The following SNX1 variants were observed in gnomAD, a reference collection of about 807,000 sequenced individuals.
The protein encoded by SNX1 is sorting nexin 1, also known as sorting nexin-1.
SNX1 carries 36 observed loss-of-function variants against 71.8 expected under a neutral mutation model. The ratio of observed to expected loss-of-function variants is 0.50; its 90% confidence interval spans 0.38 to 0.66. SNX1 has a LOEUF of 0.66. Among genes scored for constraint, SNX1 ranks in the 30% least tolerant of loss-of-function variants. The probability of loss-of-function intolerance (pLI) is 0.00; values close to 1 mark genes in which losing one functional copy is unlikely to be tolerated. For missense variants in SNX1, 612 were observed against 646.7 expected (o/e 0.95, Z 0.58); for synonymous variants, 254 against 240.7 (o/e 1.06, Z -0.51).
Position 64,112,579 on chromosome 15 carries a change from C to T in SNX1, c.166C>T (p.His56Tyr), listed in dbSNP as rs1320072430. 1 of 1,597,526 alleles carries T rather than the reference C, an allele frequency of 6.3e-7. No homozygotes were observed. The highest frequency in any genetic ancestry group is 8.6e-7 in the Non-Finnish European group (1 of 1,167,904). The change falls in exon 2 of 15, where the codon CAT becomes TAT. Residue 56 changes from histidine to tyrosine, a missense_variant. His to Tyr is a moderately conservative substitution (Grantham distance 83). This residue lies in a region of SNX1 where 316 missense variants were observed against 284.9 expected (regional missense o/e 1.11). Coordinates refer to ENST00000559844, the MANE Select transcript of SNX1 (RefSeq NM_003099.5). Reference protein sequence around the residue: ...IFTGAAVVSKHQSPKITTSLL... With the variant: ...IFTGAAVVSKYQSPKITTSLL... Reference sequence around the variant, plus strand: ...AGTATCTCTTTGTTTTCAGAGTAAACATCAGTCTCCAAAGATAACTACATC... The same window carrying T: ...AGTATCTCTTTGTTTTCAGAGTAAATATCAGTCTCCAAAGATAACTACATC...
intron 4 of SNX1, among the ~76,000 whole-genome samples, chr15:64,121,581 G>T (rs781079068): frequency 3.3e-5 from 5 of 152,154 alleles, no homozygotes; most frequent in Non-Finnish European, 5.9e-5. Flanking sequence ...AGTTACATCG[G>T]TAAAGACCCT....
At position 64,137,642 on chromosome 15, in the gene SNX1, C is replaced by T. The variant is rs2081372734; in HGVS notation, c.*24C>T. On this transcript the variant is annotated 3_prime_UTR_variant, in exon 15 of 15. Transcript: ENST00000559844. The stretch of plus-strand genomic sequence containing the variant: ...AATGGACCAAGGACCCCAGAGCCCA[C>T]CTGTGTGACGCTGCCTTTTTATACA... 1.2e-6 allele frequency: 2 copies of T among 1,614,042 alleles called. No homozygotes were observed. Among genetic ancestry groups the T allele is most frequent in the African/African-American group, 1.3e-5 (1 of 74,926 alleles).
intron 1 of SNX1, among the ~76,000 whole-genome samples, chr15:64,108,921 G>A (rs2140136878): frequency 6.6e-6 from 1 of 151,802 alleles, no homozygotes; most frequent in Admixed American, 6.5e-5. Context: ...CTCAGAGGTA[G>A]AGGTTGCAGT....
intron 12 of SNX1, chr15:64,135,027 T>G: frequency 1.8e-6 from 1 of 556,854 alleles, no homozygotes; most frequent in Non-Finnish European, 3.0e-6. Context: ...CAAATCAGAA[T>G]CTCTGGCCCG....
intron 1 of SNX1, among the ~76,000 whole-genome samples, chr15:64,102,092 T>G (rs1269150439): frequency 1.3e-5 from 2 of 152,144 alleles, no homozygotes; most frequent in Non-Finnish European, 2.9e-5. Context: ...GATACCAAGT[T>G]TTTTAAAAAG....
chr15:64,126,033 C>A, intron 5 of SNX1, 46 bp from the exon 6 acceptor site: 3 of 1,602,254 alleles, frequency 1.9e-6, no homozygotes, highest in Admixed American at 1.7e-5. Flanking sequence ...AAGATACCAT[C>A]CCCTATTTGG....
chr15:64,113,829 G>T (rs62024172), intron 2 of SNX1, among the ~76,000 whole-genome samples: 1 of 35,744 alleles, frequency 2.8e-5, no homozygotes, highest in Admixed American at 4.4e-4. Context: ...TCAAAATAAA[G>T]AAAGAAAGAA....
rs149843879 is a variant in SNX1 at position 64,111,871 on chromosome 15, G to A, written c.160-702G>A. Among the ~76,000 whole-genome samples, 588 of 152,230 alleles carry A rather than the reference G, an allele frequency of 3.9e-3. 3 individuals carry two copies. Among genetic ancestry groups the A allele is most frequent in the African/African-American group, 0.014 (561 of 41,518 alleles). ...ATCCAGCTTTGTTCACTCTGGTACC[G>A]GTCTGGGGACCCACCCCACCCTTGT... On this transcript the variant is annotated intron_variant, in intron 1 of 14. Coordinates refer to ENST00000559844, the MANE Select transcript of SNX1 (RefSeq NM_003099.5).
chr15:64,100,456 C>T (rs139133177), intron 1 of SNX1, among the ~76,000 whole-genome samples: 209 of 151,930 alleles, frequency 1.4e-3, no homozygotes, highest in African/African-American at 4.8e-3. Context: ...AAAAATTAGC[C>T]GGGCGTGGTG....
intron 1 of SNX1, 115 bp from the exon 2 acceptor site, chr15:64,112,458 C>T: frequency 1.6e-6 from 1 of 615,956 alleles, no homozygotes; most frequent in South Asian, 2.2e-5. Flanking sequence ...CGATTTGCTG[C>T]TTATTGAACT....
intron 1 of SNX1, among the ~76,000 whole-genome samples, chr15:64,096,767 A>G (rs765751149): frequency 1.3e-5 from 2 of 152,220 alleles, no homozygotes; most frequent in Non-Finnish European, 2.9e-5. Context: ...TACATAGATC[A>G]GAAAGCTTTC....
rs1296825784 is a variant in SNX1, at chr15:64,143,592, G to A, written c.*5974G>A. ...CGCCGACACCTCATGGAAACTGATT[G>A]CAAATGTGCTACTTCTCACTTCTGT... On this transcript the variant is annotated 3_prime_UTR_variant, in exon 15 of 15. Transcript: ENST00000559844. 1 of 152,220 alleles carries A rather than the reference G, an allele frequency of 6.6e-6. No individual in the cohort carries two copies. The highest frequency in any genetic ancestry group is 2.1e-4 in the South Asian group (1 of 4,826). The allele number at this position is 152,220 out of a possible 1,614,324, so 9.4% of individuals were successfully genotyped here.
In SNX1 at chr15:64,142,903, A is replaced by G. The variant is rs2081429213; in HGVS notation, c.*5285A>G. 7.1e-6 allele frequency: 2 copies of G among 281,144 alleles called. No individual in the cohort carries two copies. Among genetic ancestry groups the G allele is most frequent in the Admixed American group, 9.4e-5 (2 of 21,332 alleles). 17.4% of individuals were successfully genotyped at this position (281,144 alleles called of 1,614,324 possible). ...AATGCTCCTGTAGCTAGGAACCCTA[A>G]AAAGTCTTTGAAGCAACTCAAGTTT... On this transcript the variant is annotated 3_prime_UTR_variant, in exon 15 of 15. Transcript: ENST00000559844.
At chr15:64,121,665 C>CCTTTAA (rs1469812223) in intron 4 of SNX1, among the ~76,000 whole-genome samples, 2 of 152,192 alleles carry the variant, frequency 1.3e-5, no homozygotes, top group African/African-American at 4.8e-5. Context: ...CAATTTATCC[C>CCTTTAA]ATTACAGAGA....
chr15:64,111,959 C>T (rs1373826242), intron 1 of SNX1, among the ~76,000 whole-genome samples: 1 of 152,204 alleles, frequency 6.6e-6, no homozygotes, highest in African/African-American at 2.4e-5. Flanking sequence ...ACCATGTGCT[C>T]ACTAGGCTAA....
rs1480775589 is a variant in SNX1 at position 64,138,006 on chromosome 15, G to A, written c.*388G>A. On this transcript the variant is annotated 3_prime_UTR_variant, in exon 15 of 15. Coordinates refer to ENST00000559844, the MANE Select transcript of SNX1 (RefSeq NM_003099.5). ...ATGTAATAAAATATTTTAAAATCAG[G>A]TCACATGACTCAGAATGTTGGTGGT... is the stretch of plus-strand genomic sequence containing the variant. 2.0e-6 allele frequency: 3 copies of A among 1,493,780 alleles called. No homozygotes were observed. The highest frequency in any genetic ancestry group is 2.6e-5 in the South Asian group (2 of 76,818). The allele number at this position is 1,493,780 out of a possible 1,614,324, so 92.5% of individuals were successfully genotyped here.
chr15:64,131,609 A>G (rs2081307710), intron 10 of SNX1, 78 bp from the exon 11 acceptor site: 1 of 1,416,470 alleles, frequency 7.1e-7, no homozygotes, highest in African/African-American at 1.4e-5. Flanking sequence ...TTGCTAAGAC[A>G]TGCCATGCAG....
rs1329711888 is a variant in SNX1, at chr15:64,139,015, G to A, written c.*1397G>A. ...TCCCTGTACACAGATGCAGCACCAG[G>A]GGAAGGGCCAGTGGTGCAAGTATTT... On this transcript the variant is annotated 3_prime_UTR_variant, in exon 15 of 15. Transcript: ENST00000559844. 1.3e-5 allele frequency: 2 copies of A among 152,196 alleles called. No individual in the cohort carries two copies. Among genetic ancestry groups the A allele is most frequent in the Admixed American group, 1.3e-4 (2 of 15,278 alleles). The allele number at this position is 152,196 out of a possible 1,614,324, so 9.4% of individuals were successfully genotyped here. A position where few individuals can be genotyped will look rare whatever the true frequency, so the allele number is the denominator to read the frequency against.
At chr15:64,135,853 C>T (rs1355125726) in intron 12 of SNX1, among the ~76,000 whole-genome samples, 1 of 151,796 alleles carries the variant, frequency 6.6e-6, no homozygotes, top group Non-Finnish European at 1.5e-5. Flanking sequence ...ACCTGAGAGG[C>T]AGAGGTTGCA....
Sources: gnomAD v4.1 joint callset for allele counts (sites outside exome capture counted in the v4.1 genomes callset) on GRCh38, gnomAD v4.1.1 for gene constraint, gnomAD v4.1.1 regional missense constraint, MANE v1.5 for transcripts, NCBI Gene and HGNC (gene_info 2026-07-23, HGNC 2026-07-21) for gene names.